ATG4A: variants seen among roughly 807,000 people sequenced by gnomAD.
ATG4A encodes cysteine protease ATG4A.
Under a neutral mutation model 38.4 loss-of-function variants are expected in ATG4A, and 22 were observed. The ratio of observed to expected loss-of-function variants is 0.57; its 90% CI spans 0.41 to 0.82. The LOEUF (loss-of-function observed/expected upper bound fraction) is 0.82. Ranked by LOEUF, ATG4A falls within the 40% of genes least tolerant of loss-of-function variation. ATG4A has a pLI of 0.00. For synonymous variants in ATG4A, 86 were observed against 100.7 expected (o/e 0.85, Z 0.88); for missense variants, 220 against 290.0 (o/e 0.76, Z 1.75).
chrX:108,127,422 C>T (rs2032828122), intron 2 of ATG4A, among the ~76,000 whole-genome samples: 1 of 111,883 alleles, frequency 8.9e-6, no homozygotes, highest in Non-Finnish European at 1.9e-5. Flanking sequence ...CATCCAAGCA[C>T]TTTAAGTGTA....
At chrX:108,096,195 G>GT (rs1428543582) in intron 1 of ATG4A, among the ~76,000 whole-genome samples, 4 of 112,314 alleles carry the variant, frequency 3.6e-5, no homozygotes, top group Non-Finnish European at 7.5e-5. Context: ...CTTTACTACA[G>GT]TTTTTTTCAT....
chrX:108,154,103 C>G lies in ATG4A; in HGVS notation c.*391C>G, dbSNP rs2033652543. The stretch of plus-strand genomic sequence containing the variant: ...AGAGATGGTTAAGCTGTTCTTCACC[C>G]TTTCAGATGTGACCTCTTTTGGACT... On this transcript the variant is annotated 3_prime_UTR_variant, in exon 13 of 13. Coordinates refer to ENST00000372232, the MANE Select transcript of ATG4A (RefSeq NM_052936.5). 8.1e-6 allele frequency: 1 copy of G among 124,157 alleles called. No homozygotes were observed. The highest frequency in any genetic ancestry group is 3.3e-4 in the South Asian group (1 of 3,061). The allele number at this position is 124,157 out of a possible 1,213,427, so 10.2% of individuals were successfully genotyped here.
At chrX:108,133,662 A>C (rs953310534) in intron 4 of ATG4A, among the ~76,000 whole-genome samples, 1 of 112,182 alleles carries the variant, frequency 8.9e-6, no homozygotes, top group Non-Finnish European at 1.9e-5. Flanking sequence ...ATTGCTGTCT[A>C]TGTGGAGATG....
intron 4 of ATG4A, among the ~76,000 whole-genome samples, chrX:108,132,558 C>T (rs1330820695): frequency 9.0e-6 from 1 of 110,800 alleles, no homozygotes; most frequent in Non-Finnish European, 1.9e-5. Context: ...TAATAATTTC[C>T]ATTTTACAGA....
chrX:108,152,270 C>T (rs1247759135), intron 11 of ATG4A, among the ~76,000 whole-genome samples: 3 of 111,533 alleles, frequency 2.7e-5, no homozygotes, highest in African/African-American at 6.5e-5. Flanking sequence ...AGGCTCGCTC[C>T]GTCACCCAGG....
chrX:108,129,188 T>C (rs2148000275), intron 3 of ATG4A, among the ~76,000 whole-genome samples: 1 of 112,711 alleles, frequency 8.9e-6, no homozygotes, highest in South Asian at 3.7e-4. Flanking sequence ...TACAATCCAC[T>C]GCTTTGTGGA....
chrX:108,128,368 C>T (rs2032857684), intron 2 of ATG4A, among the ~76,000 whole-genome samples: 1 of 111,463 alleles, frequency 9.0e-6, no homozygotes, highest in South Asian at 3.8e-4. Context: ...CCCAGCCAAA[C>T]CTCTAGTTTT....
At chrX:108,137,550 G>A (rs2033138113) in intron 7 of ATG4A, among the ~76,000 whole-genome samples, 1 of 111,961 alleles carries the variant, frequency 8.9e-6, no homozygotes, top group Non-Finnish European at 1.9e-5. Flanking sequence ...CTTGAGAAAT[G>A]AGATTCTTCC....
intron 1 of ATG4A, among the ~76,000 whole-genome samples, chrX:108,097,578 C>T (rs1319128496): frequency 8.9e-6 from 1 of 112,139 alleles, no homozygotes; most frequent in Non-Finnish European, 1.9e-5. Context: ...TTGTGTGACT[C>T]ATTATTAATC....
At chrX:108,131,032 C>T (rs151168295) in intron 3 of ATG4A, among the ~76,000 whole-genome samples, 1 of 111,984 alleles carries the variant, frequency 8.9e-6, no homozygotes, top group Non-Finnish European at 1.9e-5. Flanking sequence ...ACATTTAGTT[C>T]ATTTGCTTGT....
chrX:108,125,195 T>A (rs1216945621), intron 1 of ATG4A, among the ~76,000 whole-genome samples: 1 of 110,732 alleles, frequency 9.0e-6, no homozygotes, highest in African/African-American at 3.3e-5. Context: ...GGGTTGGCAC[T>A]GAAAGTTCCA....
chrX:108,135,502 G>GA (rs1306488967), intron 6 of ATG4A, among the ~76,000 whole-genome samples: 1 of 111,733 alleles, frequency 8.9e-6, no homozygotes, highest in African/African-American at 3.3e-5. Context: ...GGGACCCAAG[G>GA]AAAATCTGTA....
chrX:108,141,106 A>G (rs996351932), intron 9 of ATG4A, among the ~76,000 whole-genome samples: 1 of 67,300 alleles, frequency 1.5e-5, no homozygotes, highest in Non-Finnish European at 2.8e-5. Context: ...ATATATATAT[A>G]TATCACTAAG....
rs79788197 is a variant in ATG4A, at chrX:108,137,163, A to C, written c.540A>C (p.Glu180Asp). 2,982 of 1,201,649 alleles carry C rather than the reference A, an allele frequency of 2.5e-3. 50 individuals are homozygous for C. In the African/African-American group the frequency reaches 0.039, roughly 16 times the overall value. The part of the protein sequence containing the change: ...YVSMDNTVVI[E>D]DIKKMCRVLP... ...CAATGGATAACACAGTGGTCATTGA[A>C]GATATCAGTGAGTTACCAGCCTGTT... Residue 180 changes from glutamate to aspartate, a missense_variant, in exon 7 of 13, where the codon GAA becomes GAC. Glu to Asp is a conservative substitution (Grantham distance 45, BLOSUM62 2). Around this residue, in one of 3 missense-constraint regions of ATG4A, gnomAD observed 159 missense variants for 188.9 expected, o/e 0.84. Coordinates refer to ENST00000372232, the MANE Select transcript of ATG4A (RefSeq NM_052936.5).
chrX:108,143,770 G>C, intron 9 of ATG4A: 1 of 209,099 alleles, frequency 4.8e-6, no homozygotes, highest in Non-Finnish European at 9.0e-6. Flanking sequence ...GGATCACTGG[G>C]GCTGATGGTG....
At chrX:108,149,048 T>C in intron 9 of ATG4A, among the ~76,000 whole-genome samples, 1 of 112,684 alleles carries the variant, frequency 8.9e-6, no homozygotes. Context: ...ACAGAGTGAA[T>C]TAAGTGGTTT....
At chrX:108,150,987 G>A (rs944858827) in intron 10 of ATG4A, among the ~76,000 whole-genome samples, 2 of 112,377 alleles carry the variant, frequency 1.8e-5, no homozygotes, top group African/African-American at 6.5e-5. Flanking sequence ...TTAGCACTGG[G>A]CCTGGCACAT....
intron 1 of ATG4A, among the ~76,000 whole-genome samples, chrX:108,109,933 T>C (rs1260783765): frequency 8.9e-6 from 1 of 111,832 alleles, no homozygotes; most frequent in East Asian, 2.8e-4. Context: ...TTTTTCAAAA[T>C]TGTTTTAGCA....
At chrX:108,147,783 A>G (rs1420869850) in intron 9 of ATG4A, among the ~76,000 whole-genome samples, 1 of 109,826 alleles carries the variant, frequency 9.1e-6, no homozygotes, top group East Asian at 2.9e-4. Context: ...AGGTGTGTCA[A>G]ATGCATTTAT....
Sources: gnomAD v4.1 joint callset for allele counts (sites outside exome capture counted in the v4.1 genomes callset) on GRCh38, gnomAD v4.1.1 for gene constraint, gnomAD v4.1.1 regional missense constraint, MANE v1.5 for transcripts, NCBI Gene and HGNC (gene_info 2026-07-23, HGNC 2026-07-21) for gene names.